RAP1A: variants seen among roughly 807,000 people sequenced by gnomAD.
RAP1A encodes RAP1A, member of RAS oncogene family, also known as ras-related protein Rap-1A.
In RAP1A, 6 loss-of-function variants were observed where a neutral mutation model predicts 26.4. The ratio of observed to expected loss-of-function variants is 0.23; its 90% CI spans 0.12 to 0.45. The LOEUF (loss-of-function observed/expected upper bound fraction) is 0.45. RAP1A is among the 20% of genes least tolerant of loss of function. The pLI is 0.99. For missense variants in RAP1A, 121 were observed against 217.2 expected (o/e 0.56, Z 2.78); for synonymous variants, 73 against 79.4 (o/e 0.92, Z 0.43).
intron 1 of RAP1A, among the ~76,000 whole-genome samples, chr1:111,602,816 A>G (rs1658697431): frequency 6.6e-6 from 1 of 152,196 alleles, no homozygotes; most frequent in African/African-American, 2.4e-5. Context: ...CAGTATCTAC[A>G]CGTTATGCCC....
chr1:111,655,647 A>G (rs1466184783), intron 1 of RAP1A, among the ~76,000 whole-genome samples: 5 of 143,844 alleles, frequency 3.5e-5, no homozygotes, highest in African/African-American at 1.3e-4. Context: ...AACCTTAAAA[A>G]TGTTCATAGT....
At chr1:111,709,332 T>C in intron 7 of RAP1A, 68 bp downstream of exon 7, 1 of 1,424,798 alleles carries the variant, frequency 7.0e-7, no homozygotes, top group Non-Finnish European at 9.3e-7. Context: ...AGACTTTAGC[T>C]ACTTCCCATT....
chr1:111,616,450 T>G (rs1659016066), upstream of RAP1A, among the ~76,000 whole-genome samples: 1 of 152,214 alleles, frequency 6.6e-6, no homozygotes, highest in Non-Finnish European at 1.5e-5. Flanking sequence ...TTCTCACAGA[T>G]GCTTTGTGCT....
chr1:111,684,525 A>C (rs561267488), intron 1 of RAP1A, among the ~76,000 whole-genome samples: 2 of 152,342 alleles, frequency 1.3e-5, no homozygotes, highest in South Asian at 2.1e-4. Context: ...GTGAACTCCC[A>C]TTCACAATTG....
intron 3 of RAP1A, among the ~76,000 whole-genome samples, chr1:111,695,934 G>A (rs139083493): frequency 2.0e-5 from 3 of 152,248 alleles, no homozygotes; most frequent in East Asian, 1.9e-4. Context: ...TGGTGATAAC[G>A]ATGTGTTCAT....
intron 4 of RAP1A, among the ~76,000 whole-genome samples, chr1:111,701,174 C>T (rs914456730): frequency 3.9e-5 from 6 of 152,202 alleles, no homozygotes; most frequent in Non-Finnish European, 5.9e-5. Context: ...TGTCCCTTCT[C>T]TGGCCCCCAC....
chr1:111,680,027 C>T lies in RAP1A; in HGVS notation c.-27-11307C>T, dbSNP rs1390558669. Among the ~76,000 whole-genome samples, 5 of 152,214 alleles carry T rather than the reference C, an allele frequency of 3.3e-5. No homozygotes were observed. In the East Asian group the frequency reaches 9.6e-4, roughly 29 times the overall value. ...GAGAGCAGCAGATCTCCCAGCATAG[C>T]ACTCAAGCTCTGCTAAGGGACAGAC... On this transcript the variant is annotated intron_variant, in intron 1 of 7. Transcript: ENST00000369709.
At chr1:111,688,822 G>GTTTTTTTTTTTTTTTTTTTTTTTTTTTT (rs767753356) in intron 1 of RAP1A, among the ~76,000 whole-genome samples, 5 of 90,062 alleles carry the variant, frequency 5.6e-5, no homozygotes, top group Non-Finnish European at 1.2e-4. Flanking sequence ...TTTTTTTTTT[G>GTTTTTTTTTTTTTTTTTTTTTTTTTTTT]TTTTTTTTTT....
chr1:111,601,975 T>C (rs1469166198), intron 1 of RAP1A, among the ~76,000 whole-genome samples: 1 of 152,224 alleles, frequency 6.6e-6, no homozygotes, highest in East Asian at 1.9e-4. Flanking sequence ...GGGTAAACTT[T>C]AATTGAATTT....
intron 1 of RAP1A, among the ~76,000 whole-genome samples, chr1:111,623,778 C>G (rs2101093213): frequency 6.6e-6 from 1 of 152,324 alleles, no homozygotes; most frequent in South Asian, 2.1e-4. Context: ...TGATAGAAAA[C>G]TATACCACTG....
At chr1:111,636,107 G>A (rs1659722379) in intron 1 of RAP1A, among the ~76,000 whole-genome samples, 1 of 152,056 alleles carries the variant, frequency 6.6e-6, no homozygotes, top group Admixed American at 6.6e-5. Flanking sequence ...TCTGGTATAG[G>A]CAAAATTTTG....
chr1:111,599,498 C>A (rs1571490461), intron 1 of RAP1A, among the ~76,000 whole-genome samples: 1 of 152,334 alleles, frequency 6.6e-6, no homozygotes, highest in Non-Finnish European at 1.5e-5. Context: ...AGCCACCACG[C>A]CTGGCCACAT....
intron 1 of RAP1A, chr1:111,648,435 G>T: frequency 1.7e-6 from 1 of 572,038 alleles, no homozygotes; most frequent in Non-Finnish European, 3.3e-6. Flanking sequence ...TCCAGCAGGT[G>T]GTGGTAGGTG....
intron 1 of RAP1A, among the ~76,000 whole-genome samples, chr1:111,588,495 G>A (rs958067577): frequency 4.6e-5 from 7 of 152,102 alleles, no homozygotes; most frequent in Non-Finnish European, 1.0e-4. Context: ...GAACACACAA[G>A]ATCCCCCATG....
At chr1:111,698,292 A>G (rs750787220) in intron 4 of RAP1A, among the ~76,000 whole-genome samples, 9 of 152,080 alleles carry the variant, frequency 5.9e-5, no homozygotes, top group African/African-American at 9.7e-5. Context: ...GTTTTGCTTA[A>G]GAGACGAGGT....
rs936150066 is a variant in RAP1A at position 111,713,498 on chromosome 1, T to C, written c.*1097T>C. The C allele has an allele frequency of 6.6e-6, 1 of 152,200 alleles. No homozygotes were observed. Among genetic ancestry groups the C allele is most frequent in the African/African-American group, 2.4e-5 (1 of 41,470 alleles). The allele number at this position is 152,200 out of a possible 1,614,324, so 9.4% of individuals were successfully genotyped here. A position where few individuals can be genotyped will look rare whatever the true frequency, so the allele number is the denominator to read the frequency against. Reference sequence around the variant, plus strand: ...GCTTGTAATTTCATCAAGGGAATCCTTTTGCATTGTTAATTTGTTGGGTGT... The same window carrying C: ...GCTTGTAATTTCATCAAGGGAATCCCTTTGCATTGTTAATTTGTTGGGTGT... On this transcript the variant is annotated 3_prime_UTR_variant, in exon 8 of 8. Coordinates refer to ENST00000369709, the MANE Select transcript of RAP1A (RefSeq NM_002884.4).
chr1:111,577,208 G>A (rs1289271140), intron 1 of RAP1A, among the ~76,000 whole-genome samples: 1 of 151,968 alleles, frequency 6.6e-6, no homozygotes, highest in African/African-American at 2.4e-5. Flanking sequence ...TTTGAGACCA[G>A]CCTGGTCAAC....
chr1:111,638,867 C>CT (rs201185076), intron 1 of RAP1A, among the ~76,000 whole-genome samples: 1,987 of 145,736 alleles, frequency 0.014, 40 homozygotes, highest in African/African-American at 0.045. Flanking sequence ...TGGTTTTTAT[C>CT]TTTTTTTTTT....
intron 1 of RAP1A, among the ~76,000 whole-genome samples, chr1:111,577,202 A>T (rs1383867016): frequency 6.6e-6 from 1 of 152,078 alleles, no homozygotes; most frequent in Non-Finnish European, 1.5e-5. Context: ...TAGGAATTTG[A>T]GACCAGCCTG....
Sources: gnomAD v4.1 joint callset for allele counts (sites outside exome capture counted in the v4.1 genomes callset) on GRCh38, gnomAD v4.1.1 for gene constraint, MANE v1.5 for transcripts, NCBI Gene and HGNC (gene_info 2026-07-23, HGNC 2026-07-21) for gene names.